LAMA2: variants seen among roughly 807,000 people sequenced by gnomAD.
LAMA2 encodes laminin subunit alpha-2.
A neutral mutation model predicts 364.8 loss-of-function variants in LAMA2; 269 were observed. That is an observed-to-expected ratio of 0.74 (90% CI 0.67 to 0.82). The LOEUF is 0.82. LAMA2 is among the 40% of genes least tolerant of loss of function. The pLI is 0.00. For synonymous variants in LAMA2, 1,379 were observed against 1,370.6 expected, an observed-to-expected ratio of 1.01 and a Z score of -0.14; for missense variants, 3,807 against 3,873.2, an observed-to-expected ratio of 0.98 and a Z score of 0.45.
chr6:129,486,705 A>G, intron 56 of LAMA2, 83 bp downstream of exon 56: 1 of 1,279,236 alleles, frequency 7.8e-7, no homozygotes, highest in South Asian at 1.2e-5. Flanking sequence ...TATCTGCCTG[A>G]ACCTCTGTGT....
intron 42 of LAMA2, among the ~76,000 whole-genome samples, chr6:129,439,700 C>T (rs964462879): frequency 4.6e-5 from 7 of 151,768 alleles, no homozygotes; most frequent in African/African-American, 1.7e-4. Context: ...ATTGTTAAAG[C>T]ATGATATAAT....
At chr6:129,303,967 A>G (rs9402115) in intron 22 of LAMA2, among the ~76,000 whole-genome samples, 52,460 of 152,064 alleles carry the variant, frequency 0.34, 10,621 homozygotes, top group Non-Finnish European at 0.45. Context: ...CGTTTTCACA[A>G]TCAATGAGGT....
chr6:129,506,352 CA>C (rs1437032026), intron 61 of LAMA2, among the ~76,000 whole-genome samples: 3 of 150,112 alleles, frequency 2.0e-5, no homozygotes, highest in South Asian at 4.2e-4. Context: ...GACCCTGTCT[CA>C]AAAAAATAAA....
At chr6:129,511,592 T>A (rs1388037856) in intron 62 of LAMA2, among the ~76,000 whole-genome samples, 2 of 152,200 alleles carry the variant, frequency 1.3e-5, no homozygotes, top group African/African-American at 4.8e-5. Flanking sequence ...TCTTGCCTAA[T>A]AAATAGAAGA....
At chr6:129,035,301 CTTTTT>C (rs546836712) in intron 1 of LAMA2, among the ~76,000 whole-genome samples, 1 of 129,500 alleles carries the variant, frequency 7.7e-6, no homozygotes, top group African/African-American at 2.9e-5. Context: ...CTTTTCTTTT[CTTTTT>C]TTTTTTTTTA....
chr6:129,287,685 T>C (rs1789373856), intron 18 of LAMA2, among the ~76,000 whole-genome samples, 162 bp from the exon 19 acceptor site: 1 of 152,200 alleles, frequency 6.6e-6, no homozygotes, highest in Non-Finnish European at 1.5e-5. Flanking sequence ...GTATCTACAC[T>C]GCAGTTGTAG....
At chr6:129,139,043 C>T (rs1777965418) in intron 4 of LAMA2, among the ~76,000 whole-genome samples, 1 of 152,040 alleles carries the variant, frequency 6.6e-6, no homozygotes, top group Admixed American at 6.6e-5. Context: ...GAACTGAGAA[C>T]TGGACATTTC....
intron 58 of LAMA2, among the ~76,000 whole-genome samples, chr6:129,493,788 T>C (rs1785008138): frequency 6.6e-6 from 1 of 152,168 alleles, no homozygotes; most frequent in South Asian, 2.1e-4. Context: ...CTCACACCAC[T>C]AGTAAAAGGC....
intron 3 of LAMA2, among the ~76,000 whole-genome samples, chr6:129,090,314 C>A (rs888189337): frequency 6.6e-6 from 1 of 152,118 alleles, no homozygotes; most frequent in Admixed American, 6.5e-5. Flanking sequence ...ATGTATTACT[C>A]GCTTTGTAAC....
At position 129,190,205 on chromosome 6, in the gene LAMA2, G is replaced by C. The variant is rs1202450972; in HGVS notation, c.1468G>C (p.Glu490Gln). ...TGCTGATACATCTCTTTATTTGCAGGAAAATGTTGAAGGAGGAGACTGTAG... is the reference window on the plus strand; with the variant it reads ...TGCTGATACATCTCTTTATTTGCAGCAAAATGTTGAAGGAGGAGACTGTAG... ...DPCFGPCICK[E>Q]NVEGGDCSRC... Residue 490 changes from glutamate (E) to glutamine (Q), a missense_variant and splice_region_variant, in exon 11 of 65, where the codon GAA becomes CAA. Glu to Gln is a conservative substitution (Grantham distance 29, BLOSUM62 2). Coordinates refer to ENST00000421865, the MANE Select transcript of LAMA2 (RefSeq NM_000426.4). 6.2e-7 allele frequency: 1 copy of C among 1,613,296 alleles called. No homozygotes were observed. The highest frequency in any genetic ancestry group is 8.5e-7 in the Non-Finnish European group (1 of 1,179,366).
intron 14 of LAMA2, among the ~76,000 whole-genome samples, chr6:129,257,029 A>G (rs952928470): frequency 4.0e-5 from 6 of 151,708 alleles, no homozygotes; most frequent in East Asian, 1.9e-4. Context: ...CTCTTCATCC[A>G]TCATCTTTTC....
intron 3 of LAMA2, among the ~76,000 whole-genome samples, chr6:129,066,043 T>TTTTTTTTTTTTTTTTTTC (rs1789290583): frequency 4.0e-5 from 3 of 75,568 alleles, no homozygotes; most frequent in Admixed American, 3.0e-4. Context: ...CTCAGGTTTT[T>TTTTTTTTTTTTTTTTTTC]TTTTTTTTTT....
chr6:129,380,408 G>C (rs1778613090), intron 34 of LAMA2, among the ~76,000 whole-genome samples: 1 of 151,508 alleles, frequency 6.6e-6, no homozygotes, highest in South Asian at 2.1e-4. Context: ...CTAGGAGCTG[G>C]ATATATGATA....
intron 14 of LAMA2, among the ~76,000 whole-genome samples, chr6:129,258,982 A>T (rs1025833850): frequency 1.3e-5 from 2 of 152,046 alleles, no homozygotes; most frequent in African/African-American, 4.8e-5. Context: ...TTTACAGGTA[A>T]AGATAATTGC....
intron 1 of LAMA2, among the ~76,000 whole-genome samples, chr6:128,968,544 G>A (rs1781993865): frequency 6.6e-6 from 1 of 152,146 alleles, no homozygotes; most frequent in South Asian, 2.1e-4. Context: ...TAATTGAAGG[G>A]GTAGTCAAGA....
intron 43 of LAMA2, 27 bp from the exon 44 acceptor site, chr6:129,443,036 T>C: frequency 6.4e-7 from 1 of 1,566,626 alleles, no homozygotes; most frequent in Non-Finnish European, 8.8e-7. Flanking sequence ...TTTTTTTTGT[T>C]TTGCTTCCAT....
intron 1 of LAMA2, among the ~76,000 whole-genome samples, chr6:128,935,231 A>G (rs1779746438): frequency 8.2e-6 from 1 of 121,828 alleles, no homozygotes; most frequent in Non-Finnish European, 1.7e-5. Context: ...ACCCCCCCCA[A>G]CAGACCCCAA....
At chr6:129,063,995 T>A in intron 3 of LAMA2, among the ~76,000 whole-genome samples, 1 of 148,486 alleles carries the variant, frequency 6.7e-6, no homozygotes, top group East Asian at 1.9e-4. Context: ...TAACAATCAT[T>A]TAAACATATT....
In LAMA2 at chr6:129,366,286, C is replaced by A. The variant is rs1290067030; in HGVS notation, c.4785C>A (p.Ser1595Arg). 1 of 1,613,750 alleles carries A rather than the reference C, an allele frequency of 6.2e-7. No individual in the cohort carries two copies. Among genetic ancestry groups the A allele is most frequent in the East Asian group, 2.2e-5 (1 of 44,886 alleles). The change falls in exon 33 of 65, where the codon AGC (serine) becomes AGA (arginine). Residue 1595 changes from serine (S) to arginine (R), a missense_variant. Around this residue, in one of 3 missense-constraint regions of LAMA2, gnomAD observed 3,333 missense variants for 3,345.7 expected, o/e 1.00. Transcript: ENST00000421865. ...DLARLEQMVMSINLTGPLPAP... is the reference protein window; with the variant it reads ...DLARLEQMVMRINLTGPLPAP... ...CTCGCCTGGAGCAGATGGTCATGAG[C>A]ATCAACCTCACTGGTCCGCTGCCTG...
Sources: gnomAD v4.1 joint callset for allele counts (sites outside exome capture counted in the v4.1 genomes callset) on GRCh38, gnomAD v4.1.1 for gene constraint, gnomAD v4.1.1 regional missense constraint, MANE v1.5 for transcripts, NCBI Gene and HGNC (gene_info 2026-07-23, HGNC 2026-07-21) for gene names.